Variants in ZMYND11 observed in about 807,000 individuals in gnomAD.
ZMYND11 encodes zinc finger MYND domain-containing protein 11.
Under a neutral mutation model 84.9 loss-of-function variants are expected in ZMYND11, and 9 were observed. The observed-to-expected ratio is 0.11, with a 90% CI of 0.06 to 0.18. The LOEUF (loss-of-function observed/expected upper bound fraction) is 0.18. ZMYND11 is among the 10% of genes least tolerant of loss of function. The pLI is 1.00. For synonymous variants in ZMYND11, 250 were observed against 244.1 expected (o/e 1.02, Z -0.23); for missense variants, 409 against 761.0 (o/e 0.54, Z 5.44).
At chr10:238,473 C>T (rs1473416679) in intron 6 of ZMYND11, among the ~76,000 whole-genome samples, 2 of 152,106 alleles carry the variant, frequency 1.3e-5, no homozygotes, top group African/African-American at 4.8e-5. Flanking sequence ...TCTCCTGCCT[C>T]AGCCTCCCGA....
intron 1 of ZMYND11, among the ~76,000 whole-genome samples, chr10:170,879 C>T (rs1385318620): frequency 2.0e-5 from 3 of 151,972 alleles, no homozygotes; most frequent in Non-Finnish European, 4.4e-5. Flanking sequence ...TAAACACAGC[C>T]ATTAAAAGAC....
At chr10:180,231 A>C (rs956850336) in intron 2 of ZMYND11, 103 bp downstream of exon 2, 4 of 763,922 alleles carry the variant, frequency 5.2e-6, no homozygotes, top group African/African-American at 1.8e-5. Context: ...CATATATTAC[A>C]AAGAACTGAA....
chr10:226,887 G>A (rs1003452231), intron 4 of ZMYND11, among the ~76,000 whole-genome samples: 2 of 152,108 alleles, frequency 1.3e-5, no homozygotes, highest in African/African-American at 4.8e-5. Context: ...AAAAGACAAA[G>A]TAAATAAGTC....
chr10:244,922 C>CCTGGAATG (rs1951820174), intron 10 of ZMYND11, among the ~76,000 whole-genome samples: 1 of 152,188 alleles, frequency 6.6e-6, no homozygotes, highest in Non-Finnish European at 1.5e-5. Context: ...CTTACAGATA[C>CCTGGAATG]AAGTTCATTC....
rs78305044 is a variant in ZMYND11, at chr10:144,005, A to AT, written c.-20+8448dup. 3.6e-5 allele frequency among the ~76,000 whole-genome samples: 3 copies of AT among 83,828 alleles called. No homozygotes were observed. In the East Asian group the frequency reaches 1.7e-3, roughly 49 times the overall value. The allele number at this position is 83,828 out of a possible 152,430, so 55.0% of individuals were successfully genotyped here. On this transcript the variant is annotated intron_variant, in intron 1 of 14. Coordinates refer to ENST00000381604, the MANE Select transcript of ZMYND11 (RefSeq NM_001370100.5). ...GGCCACAGAGCAAGACCCTGCCTCA[A>AT]TTAAAAAAAAAAAAAACTGCCATTT...
At chr10:239,708 A>C (rs555217265) in intron 7 of ZMYND11, among the ~76,000 whole-genome samples, 183 bp downstream of exon 7, 1 of 152,366 alleles carries the variant, frequency 6.6e-6, no homozygotes, top group African/African-American at 2.4e-5. Flanking sequence ...CAAAAACAAA[A>C]TCATAGTATA....
intron 1 of ZMYND11, among the ~76,000 whole-genome samples, chr10:151,238 A>T (rs2131323585): frequency 6.6e-6 from 1 of 152,316 alleles, no homozygotes; most frequent in Admixed American, 6.5e-5. Flanking sequence ...GAGTTGAGAG[A>T]AGAAGGCTTC....
chr10:170,424 A>ATG (rs1206060810), intron 1 of ZMYND11, among the ~76,000 whole-genome samples: 103 of 69,872 alleles, frequency 1.5e-3, no homozygotes, highest in African/African-American at 3.8e-3. Context: ...GTATTTGATT[A>ATG]TGTGTGCGTG....
intron 2 of ZMYND11, among the ~76,000 whole-genome samples, chr10:201,148 A>C (rs1943069233): frequency 6.6e-6 from 1 of 152,092 alleles, no homozygotes; most frequent in South Asian, 2.1e-4. Flanking sequence ...ACACTGAGCC[A>C]GTAGGGGGCC....
At chr10:131,960 T>A (rs1835320246), upstream of ZMYND11, among the ~76,000 whole-genome samples, 1 of 152,138 alleles carries the variant, frequency 6.6e-6, no homozygotes, top group Admixed American at 6.6e-5. Context: ...ACATGATTTT[T>A]AAAAGCATCC....
chr10:162,588 G>A (rs1333196805), intron 1 of ZMYND11, among the ~76,000 whole-genome samples: 4 of 151,946 alleles, frequency 2.6e-5, no homozygotes, highest in Non-Finnish European at 4.4e-5. Flanking sequence ...TTTGTCAAGT[G>A]CTTTTTCAGT....
At chr10:247,505 A>T in intron 12 of ZMYND11, 39 bp downstream of exon 12, 6 of 1,586,994 alleles carry the variant, frequency 3.8e-6, no homozygotes, top group Non-Finnish European at 5.2e-6. Context: ...TGGCAAATGA[A>T]ACAGGAAATA....
Position 242,100 on chromosome 10 carries a change from A to G in ZMYND11, c.911A>G (p.Asn304Ser). ...WPAKVMQKED[N>S]QVDVRFFGHH... ...GCCAAAGTCATGCAGAAAGAAGACA[A>G]TCAAGTCGACGTTCGCTTCTTTGGC... The change falls in exon 10 of 15, where the codon AAT becomes AGT. Residue 304 changes from asparagine to serine, a missense_variant. By Grantham distance (46) the Asn-to-Ser change is conservative. Around this residue, in one of 7 missense-constraint regions of ZMYND11, gnomAD observed 59 missense variants for 151.0 expected, o/e 0.39. Transcript: ENST00000381604. The G allele has an allele frequency of 6.8e-6, 11 of 1,614,034 alleles. No homozygotes were observed. The highest frequency in any genetic ancestry group is 2.2e-5 in the East Asian group (1 of 44,874).
At chr10:175,474 C>G (rs1215869149) in intron 1 of ZMYND11, among the ~76,000 whole-genome samples, 2 of 152,102 alleles carry the variant, frequency 1.3e-5, no homozygotes, top group Non-Finnish European at 2.9e-5. Flanking sequence ...GAGGCTGATG[C>G]AGGAGAATCA....
intron 1 of ZMYND11, among the ~76,000 whole-genome samples, chr10:179,284 A>AC (rs1847329748): frequency 6.6e-6 from 1 of 152,160 alleles, no homozygotes. Context: ...CAGCAGGAAA[A>AC]TTATTGGGAG....
chr10:144,878 T>A (rs1046122559), intron 1 of ZMYND11, among the ~76,000 whole-genome samples: 1 of 150,584 alleles, frequency 6.6e-6, no homozygotes, highest in Admixed American at 6.6e-5. Context: ...CCAATATTTT[T>A]AAAATATTAA....
intron 2 of ZMYND11, among the ~76,000 whole-genome samples, chr10:196,805 G>A (rs1033761214): frequency 2.0e-5 from 3 of 152,180 alleles, no homozygotes; most frequent in Admixed American, 6.5e-5. Flanking sequence ...GGCAAACAGA[G>A]AAAAAGGAGG....
rs1031075099 is a variant in ZMYND11 at position 246,357 on chromosome 10, G to A, written c.951-409G>A. 2.6e-5 allele frequency among the ~76,000 whole-genome samples: 4 copies of A among 152,192 alleles called. No individual in the cohort carries two copies. In the South Asian group the frequency reaches 6.2e-4, roughly 24 times the overall value. ...CTTTAGTGCTAACGGCAAATAGCTA[G>A]ATGGGTTATATTAGTTTACAGTATT... On this transcript the variant is annotated intron_variant, in intron 10 of 14. Coordinates refer to ENST00000381604, the MANE Select transcript of ZMYND11 (RefSeq NM_001370100.5).
In ZMYND11 at chr10:239,627, C is replaced by G. The variant is rs533796452; in HGVS notation, c.697+102C>G. The G allele has an allele frequency of 3.4e-5, 28 of 827,994 alleles. No individual in the cohort carries two copies. In the East Asian group the frequency reaches 7.0e-4, roughly 21 times the overall value. The allele number at this position is 827,994 out of a possible 1,614,324, so 51.3% of individuals were successfully genotyped here. On this transcript the variant is annotated intron_variant, in intron 7 of 14. Coordinates refer to ENST00000381604, the MANE Select transcript of ZMYND11 (RefSeq NM_001370100.5). ...AAACATTACTTTCAAAGAATTAATA[C>G]CTTAATGATCTACAAGTTTAGAGTA...
Sources: allele counts gnomAD v4.1 joint callset (sites outside exome capture counted in the v4.1 genomes callset), GRCh38; gene constraint gnomAD v4.1.1; regional missense constraint gnomAD v4.1.1; transcripts MANE v1.5; gene names NCBI Gene and HGNC (gene_info 2026-07-23, HGNC 2026-07-21).